Variants in SEM1 observed in about 807,000 individuals in gnomAD.
The protein encoded by SEM1 is SEM1 26S proteasome subunit.
In SEM1, 3 loss-of-function variants were observed where a neutral mutation model predicts 12.7. The observed-to-expected ratio is 0.24, with a 90% CI of 0.11 to 0.61. SEM1 has a LOEUF of 0.61. Ranked by LOEUF, SEM1 falls within the 20% of genes least tolerant of loss-of-function variation. SEM1 has a pLI of 0.88. For missense variants in SEM1, 59 were observed against 81.3 expected, an observed-to-expected ratio of 0.73 and a Z score of 1.06; for synonymous variants, 30 against 27.8, an observed-to-expected ratio of 1.08 and a Z score of -0.25.
intron 2 of SEM1, among the ~76,000 whole-genome samples, chr7:96,636,926 A>G (rs893817841): frequency 6.6e-6 from 1 of 152,104 alleles, no homozygotes; most frequent in South Asian, 2.1e-4. Context: ...GAATTTCTGC[A>G]TCTGACTCAG....
intron 2 of SEM1, among the ~76,000 whole-genome samples, chr7:96,542,863 A>G (rs532866458): frequency 6.6e-6 from 1 of 152,068 alleles, no homozygotes; most frequent in South Asian, 2.1e-4. Context: ...CATATGGACA[A>G]AGATCTGTAT....
chr7:96,664,738 T>C (rs896254062), intron 2 of SEM1, among the ~76,000 whole-genome samples: 8 of 152,176 alleles, frequency 5.3e-5, no homozygotes, highest in South Asian at 2.1e-4. Flanking sequence ...CCAGGATACA[T>C]GGTTTGGAAT....
chr7:96,564,488 A>C (rs527614186), intron 2 of SEM1, among the ~76,000 whole-genome samples: 1 of 152,130 alleles, frequency 6.6e-6, no homozygotes, highest in South Asian at 2.1e-4. Context: ...GGTTCTGGAG[A>C]TTAGCAAGTA....
At chr7:96,499,391 T>C (rs1243466231), upstream of SEM1, among the ~76,000 whole-genome samples, 1 of 151,762 alleles carries the variant, frequency 6.6e-6, no homozygotes, top group Non-Finnish European at 1.5e-5. Context: ...CTTGCCGTAA[T>C]ACTCCATCCC....
intron 2 of SEM1, among the ~76,000 whole-genome samples, chr7:96,571,165 T>C (rs1002601094): frequency 2.0e-5 from 3 of 152,164 alleles, no homozygotes; most frequent in Non-Finnish European, 4.4e-5. Context: ...GCCTTTTCAC[T>C]ATGATGATAG....
chr7:96,506,511 C>A (rs1289892182), intron 3 of SEM1: 2 of 151,962 alleles, frequency 1.3e-5, no homozygotes, highest in Non-Finnish European at 2.9e-5. Flanking sequence ...AAAATGTCAC[C>A]TAAGGAAACT....
intron 2 of SEM1, among the ~76,000 whole-genome samples, chr7:96,524,624 A>T (rs1262894085): frequency 6.6e-6 from 1 of 151,948 alleles, no homozygotes; most frequent in Non-Finnish European, 1.5e-5. Context: ...GATTAATAAC[A>T]TTACTTTTAT....
At chr7:96,684,647 A>T (rs1027348140), downstream of SEM1, among the ~76,000 whole-genome samples, 1 of 152,090 alleles carries the variant, frequency 6.6e-6, no homozygotes, top group African/African-American at 2.4e-5. Flanking sequence ...TTTTTGGCTT[A>T]AACAATTGGG....
intron 2 of SEM1, among the ~76,000 whole-genome samples, chr7:96,654,775 T>C (rs1186507496): frequency 6.6e-6 from 1 of 152,196 alleles, no homozygotes; most frequent in Non-Finnish European, 1.5e-5. Context: ...AATTGAGATC[T>C]GTAGTGTGAT....
At chr7:96,595,123 T>A (rs747488309) in intron 2 of SEM1, among the ~76,000 whole-genome samples, 19 of 152,204 alleles carry the variant, frequency 1.2e-4, no homozygotes, top group Non-Finnish European at 2.2e-4. Context: ...GAAGCTTCTA[T>A]ATCATGAAGC....
At chr7:96,650,681 C>T (rs187757464) in intron 2 of SEM1, among the ~76,000 whole-genome samples, 2,328 of 142,842 alleles carry the variant, frequency 0.016, 55 homozygotes, top group African/African-American at 0.064. Flanking sequence ...CACACAGATG[C>T]GCGCACACAC....
chr7:96,582,919 A>C (rs1374366954), intron 2 of SEM1, among the ~76,000 whole-genome samples: 4 of 152,092 alleles, frequency 2.6e-5, no homozygotes. Flanking sequence ...CTTTCAAAAA[A>C]CCAGCTCCTG....
downstream of SEM1, among the ~76,000 whole-genome samples, chr7:96,684,603 A>G (rs1365450224): frequency 6.6e-6 from 1 of 152,114 alleles, no homozygotes; most frequent in Non-Finnish European, 1.5e-5. Flanking sequence ...TGGATTGGAT[A>G]TTGGGAGAAC....
In SEM1 at chr7:96,490,846, A is replaced by G. The variant is rs541167026; in HGVS notation, c.13-4429T>C. ...GCTTTATTTTGGATCCGTTATGCCA[A>G]TATCAGATATGGGGGTGGTTTATGG... is the stretch of plus-strand genomic sequence containing the variant. On this transcript the variant is annotated intron_variant, in intron 1 of 3. Coordinates refer to the SEM1 transcript ENST00000356686. 4.3e-4 allele frequency among the ~76,000 whole-genome samples: 65 copies of G among 152,078 alleles called. No individual in the cohort carries two copies. The South Asian group carries it at 0.014, about 32-fold the overall frequency.
chr7:96,616,076 A>T (rs1403263559), intron 2 of SEM1, among the ~76,000 whole-genome samples: 1 of 152,170 alleles, frequency 6.6e-6, no homozygotes, highest in East Asian at 1.9e-4. Context: ...AGACTGTTGG[A>T]TCGAATGGTA....
At position 96,594,830 on chromosome 7, in the gene SEM1, C is replaced by T. The variant is rs903297075; in HGVS notation, c.171-88132G>A. On this transcript the variant is annotated intron_variant and NMD_transcript_variant, in intron 2 of 3. Coordinates refer to the SEM1 transcript ENST00000466986. ...AAATAATGGAATATGAAACTAAAAA[C>T]ACTAAAAATGAGTGATGAAATCAAT... Among the ~76,000 whole-genome samples the T allele has an allele frequency of 1.9e-4, 29 of 152,034 alleles. 1 individual carries two copies. The highest frequency in any genetic ancestry group is 1.5e-3 in the Admixed American group (23 of 15,286).
upstream of SEM1, among the ~76,000 whole-genome samples, chr7:96,498,226 A>G (rs1021365586): frequency 1.9e-4 from 29 of 152,206 alleles, no homozygotes; most frequent in African/African-American, 7.0e-4. Flanking sequence ...CTTTTAAGCA[A>G]CATTCCTATT....
chr7:96,596,049 T>C (rs1806989513), intron 2 of SEM1, among the ~76,000 whole-genome samples: 1 of 152,250 alleles, frequency 6.6e-6, no homozygotes, highest in South Asian at 2.1e-4. Flanking sequence ...CAGTGGACTT[T>C]GGAAATTCTT....
intron 1 of SEM1, chr7:96,706,076 A>G (rs888753952): frequency 9.2e-5 from 14 of 152,180 alleles, no homozygotes; most frequent in Non-Finnish European, 1.6e-4. Flanking sequence ...TGTATATCAC[A>G]AAGATCCTAA....
Sources: gnomAD v4.1 joint callset for allele counts (sites outside exome capture counted in the v4.1 genomes callset) on GRCh38, gnomAD v4.1.1 for gene constraint, MANE v1.5 for transcripts, NCBI Gene and HGNC (gene_info 2026-07-23, HGNC 2026-07-21) for gene names.